The following FYB2 variants were observed in gnomAD, a reference collection of about 807,000 sequenced individuals.
FYB2 encodes the protein FYN binding protein 2.
Under a neutral mutation model 94.1 loss-of-function variants are expected in FYB2, and 103 were observed. The observed-to-expected ratio is 1.09, with a 90% CI of 0.93 to 1.29. The LOEUF (loss-of-function observed/expected upper bound fraction) is 1.29, where lower values mean the gene tolerates loss of function less well. Ranked by LOEUF, FYB2 falls within the 50% of genes most tolerant of loss-of-function variation. The pLI is 0.00. For synonymous variants in FYB2, 293 were observed against 287.9 expected, an observed-to-expected ratio of 1.02 and a Z score of -0.18; for missense variants, 896 against 841.5, an observed-to-expected ratio of 1.06 and a Z score of -0.80.
intron 2 of FYB2, among the ~76,000 whole-genome samples, chr1:56,791,807 T>C (rs4912226): frequency 0.077 from 11,676 of 152,198 alleles, 699 homozygotes; most frequent in East Asian, 0.24. Flanking sequence ...ATGCAGCTTG[T>C]CAGAAGTCGA....
Position 56,723,653 on chromosome 1 carries a change from T to C in FYB2, c.1909A>G (p.Lys637Glu). Residue 637 changes from lysine to glutamate, a missense_variant, in exon 17 of 20, where the codon AAG becomes GAG. By Grantham distance (56) the Lys-to-Glu change is moderately conservative. Coordinates refer to ENST00000343433, the MANE Select transcript of FYB2 (RefSeq NM_001004303.5). ...SFSPRNFFKT[K>E]KQNLEKNRMK... ...CTGTTCTTTTCTAAGTTTTGCTTCT[T>C]GGTTTTGAAGAAATTTCTAGGAGAG... 1 of 1,568,706 alleles carries C rather than the reference T, an allele frequency of 6.4e-7. No individual in the cohort carries two copies. Among genetic ancestry groups the C allele is most frequent in the Non-Finnish European group, 8.7e-7 (1 of 1,143,636 alleles).
chr1:56,739,446 A>T (rs923506021), intron 13 of FYB2, among the ~76,000 whole-genome samples: 1 of 152,008 alleles, frequency 6.6e-6, no homozygotes, highest in East Asian at 1.9e-4. Context: ...TTGACAGTTG[A>T]ACTTAAAGCC....
intron 4 of FYB2, among the ~76,000 whole-genome samples, chr1:56,769,242 A>T (rs200501415): frequency 5.9e-5 from 9 of 151,944 alleles, no homozygotes; most frequent in Admixed American, 3.9e-4. Context: ...GCCTCGCCAT[A>T]TTGCCCAGGC....
At chr1:56,816,399 A>T (rs1235020890) in intron 1 of FYB2, among the ~76,000 whole-genome samples, 1 of 151,984 alleles carries the variant, frequency 6.6e-6, no homozygotes, top group Non-Finnish European at 1.5e-5. Flanking sequence ...CTCACATGGG[A>T]GCTCAGGGCT....
chr1:56,792,829 CAAACAA>C (rs758377438), intron 1 of FYB2, 26 bp from the exon 2 acceptor site: 4 of 1,556,796 alleles, frequency 2.6e-6, no homozygotes, highest in Admixed American at 2.0e-5. Flanking sequence ...ATCAAACAAA[CAAACAA>C]AAACAAAAAC....
chr1:56,746,097 A>G (rs1645061115), intron 9 of FYB2, among the ~76,000 whole-genome samples: 1 of 151,872 alleles, frequency 6.6e-6, no homozygotes, highest in African/African-American at 2.4e-5. Flanking sequence ...CATATTTACT[A>G]TTAATACCAT....
At chr1:56,743,400 T>G (rs1042664916) in intron 11 of FYB2, among the ~76,000 whole-genome samples, 4 of 152,124 alleles carry the variant, frequency 2.6e-5, no homozygotes, top group Admixed American at 2.6e-4. Flanking sequence ...AAGAAGTCCA[T>G]GGTACTATGA....
At chr1:56,748,838 TC>T (rs1165806008) in intron 9 of FYB2, among the ~76,000 whole-genome samples, 1 of 152,050 alleles carries the variant, frequency 6.6e-6, no homozygotes, top group Non-Finnish European at 1.5e-5. Flanking sequence ...GTGATTATCT[TC>T]CTTCTGCCTG....
chr1:56,768,197 G>A lies in FYB2; in HGVS notation c.954-259C>T, dbSNP rs188542334. On this transcript the variant is annotated intron_variant, in intron 4 of 19. Transcript: ENST00000343433. ...AATCCCCAGGTGCCAGACATACAGA[G>A]GAAATTCACAATTAAAGATGCAAGT... Among the ~76,000 whole-genome samples, 532 of 152,208 alleles carry A rather than the reference G, an allele frequency of 3.5e-3. 2 individuals are homozygous for A. The highest frequency in any genetic ancestry group is 0.024 in the Middle Eastern group (7 of 294).
chr1:56,762,079 G>A (rs999315513), intron 5 of FYB2: 3 of 152,050 alleles, frequency 2.0e-5, no homozygotes, highest in African/African-American at 4.8e-5. Context: ...TCTCAATTCT[G>A]TTCCATTGTT....
chr1:56,746,752 T>C (rs1406723744), intron 9 of FYB2, among the ~76,000 whole-genome samples: 2 of 152,044 alleles, frequency 1.3e-5, no homozygotes, highest in African/African-American at 2.4e-5. Context: ...AGTTTTGCTA[T>C]AAGCATTTTG....
Position 56,753,512 on chromosome 1 carries a change from G to A in FYB2, c.1227+327C>T, listed in dbSNP as rs142243805. 3.0e-3 allele frequency among the ~76,000 whole-genome samples: 458 copies of A among 152,180 alleles called. 3 individuals are homozygous for A. Among genetic ancestry groups the A allele is most frequent in the African/African-American group, 0.01 (431 of 41,546 alleles). On this transcript the variant is annotated intron_variant, in intron 8 of 19. Coordinates refer to ENST00000343433, the MANE Select transcript of FYB2 (RefSeq NM_001004303.5). ...TCTAAGCAGGGCCTTAGGGCACAACGTTTAAGGAAACTCTCACTCCAGGGT... is the reference window on the plus strand; with the variant it reads ...TCTAAGCAGGGCCTTAGGGCACAACATTTAAGGAAACTCTCACTCCAGGGT...
At chr1:56,723,926 G>C (rs911679917) in intron 16 of FYB2, among the ~76,000 whole-genome samples, 2 of 151,908 alleles carry the variant, frequency 1.3e-5, no homozygotes, top group South Asian at 4.2e-4. Context: ...AACTGATCAG[G>C]GTAATGTCAA....
At chr1:56,790,483 A>G (rs1196955369) in intron 2 of FYB2, among the ~76,000 whole-genome samples, 3 of 152,198 alleles carry the variant, frequency 2.0e-5, no homozygotes, top group African/African-American at 7.2e-5. Context: ...CTTTCTCAGT[A>G]GCTCCATCTG....
intron 15 of FYB2, among the ~76,000 whole-genome samples, chr1:56,736,371 G>A (rs1557592257): frequency 6.7e-6 from 1 of 149,808 alleles, no homozygotes; most frequent in African/African-American, 2.5e-5. Context: ...TTGATTAAGA[G>A]GGAAAGTATA....
intron 4 of FYB2, among the ~76,000 whole-genome samples, chr1:56,773,186 A>G (rs1645800041): frequency 6.6e-6 from 1 of 152,150 alleles, no homozygotes; most frequent in South Asian, 2.1e-4. Context: ...TCTCTAGCTA[A>G]AGCATGGACA....
intron 16 of FYB2, among the ~76,000 whole-genome samples, chr1:56,726,234 T>C (rs1414738606): frequency 6.6e-6 from 1 of 152,086 alleles, no homozygotes; most frequent in Non-Finnish European, 1.5e-5. Flanking sequence ...TGTTTGAAAA[T>C]GGCTTACTTG....
rs1570012248 is a variant in FYB2, at chr1:56,755,750, T to C, written c.1130+146A>G. 1.1e-5 allele frequency: 8 copies of C among 717,480 alleles called. No individual in the cohort carries two copies. The East Asian group carries it at 2.0e-4, about 18-fold the overall frequency. The allele number at this position is 717,480 out of a possible 1,614,324, so 44.4% of individuals were successfully genotyped here. A position where few individuals can be genotyped will look rare whatever the true frequency, so the allele number is the denominator to read the frequency against. Reference sequence around the variant, plus strand: ...AGGCAGGATCATGGATCACTTCCTCTGTACTAGGCACCTTGCAAGGTGCCG... The same window carrying C: ...AGGCAGGATCATGGATCACTTCCTCCGTACTAGGCACCTTGCAAGGTGCCG... On this transcript the variant is annotated intron_variant, in intron 7 of 19. Coordinates refer to ENST00000343433, the MANE Select transcript of FYB2 (RefSeq NM_001004303.5).
intron 1 of FYB2, among the ~76,000 whole-genome samples, chr1:56,806,751 C>CA (rs898851951): frequency 1.4e-5 from 2 of 140,272 alleles, no homozygotes; most frequent in Non-Finnish European, 3.1e-5. Context: ...CAGCCAAAAC[C>CA]AAAAAATGCT....
Sources: allele counts gnomAD v4.1 joint callset (sites outside exome capture counted in the v4.1 genomes callset), GRCh38; gene constraint gnomAD v4.1.1; transcripts MANE v1.5; gene names NCBI Gene and HGNC (gene_info 2026-07-23, HGNC 2026-07-21).